Variants in RARB observed in about 807,000 individuals in gnomAD.
RARB encodes HBV-activated protein.
RARB carries 17 observed loss-of-function variants against 51.9 expected under a neutral mutation model. The observed-to-expected ratio is 0.33, with a 90% CI of 0.22 to 0.49. RARB has a LOEUF of 0.49. Among genes scored for constraint, RARB ranks in the 20% least tolerant of loss-of-function variants. The pLI, the probability that RARB is intolerant of heterozygous loss-of-function variation, is 0.99. For missense variants in RARB, 369 were observed against 550.8 expected (o/e 0.67, Z 3.30); for synonymous variants, 215 against 195.4 (o/e 1.10, Z -0.84).
At chr3:25,207,349 A>G (rs1266336662) in intron 5 of RARB, among the ~76,000 whole-genome samples, 3 of 152,220 alleles carry the variant, frequency 2.0e-5, no homozygotes, top group Admixed American at 6.5e-5. Context: ...CATTATCTTA[A>G]CAATGAGAAA....
chr3:25,005,282 G>A (rs907451806), intron 2 of RARB, among the ~76,000 whole-genome samples: 2 of 152,084 alleles, frequency 1.3e-5, no homozygotes, highest in African/African-American at 4.8e-5. Flanking sequence ...ACACCAATAC[G>A]TAGTGCTCTA....
chr3:25,341,428 G>A (rs542914328), intron 5 of RARB, among the ~76,000 whole-genome samples: 1 of 152,204 alleles, frequency 6.6e-6, no homozygotes, highest in Non-Finnish European at 1.5e-5. Flanking sequence ...GTGAGAGCCA[G>A]AGAGAATTTG....
intron 4 of RARB, among the ~76,000 whole-genome samples, chr3:25,158,029 G>A (rs945569489): frequency 2.0e-5 from 3 of 152,166 alleles, no homozygotes; most frequent in African/African-American, 7.2e-5. Context: ...TGTATAAATA[G>A]CAATTTTCTC....
chr3:24,869,327 C>T (rs533153038), intron 2 of RARB, among the ~76,000 whole-genome samples: 4 of 152,152 alleles, frequency 2.6e-5, no homozygotes, highest in Non-Finnish European at 4.4e-5. Flanking sequence ...AAAGGAAGTA[C>T]AATCAGCATA....
chr3:24,958,255 G>GTTTTTTTTTTTTTTTT (rs71057692), intron 2 of RARB, among the ~76,000 whole-genome samples: 3 of 69,470 alleles, frequency 4.3e-5, no homozygotes, highest in African/African-American at 1.3e-4. Context: ...AGCTGCTCAG[G>GTTTTTTTTTTTTTTTT]TTTTTTTTTT....
chr3:25,234,584 C>G (rs1417686607), intron 5 of RARB, among the ~76,000 whole-genome samples: 1 of 152,008 alleles, frequency 6.6e-6, no homozygotes. Context: ...GAACCTGGAA[C>G]CTGTGTCAAT....
At chr3:24,897,732 T>A (rs183270061) in intron 2 of RARB, among the ~76,000 whole-genome samples, 14 of 148,190 alleles carry the variant, frequency 9.4e-5, no homozygotes, top group Non-Finnish European at 1.6e-4. Flanking sequence ...GTATTTTCCA[T>A]AGAACACAAT....
intron 2 of RARB, among the ~76,000 whole-genome samples, chr3:25,029,183 G>T (rs562576926): frequency 6.6e-6 from 1 of 152,272 alleles, no homozygotes; most frequent in African/African-American, 2.4e-5. Flanking sequence ...TTTAGAGAGG[G>T]CATTTTCCAA....
At chr3:25,023,757 A>T (rs1163094298) in intron 2 of RARB, among the ~76,000 whole-genome samples, 2 of 152,176 alleles carry the variant, frequency 1.3e-5, no homozygotes, top group African/African-American at 4.8e-5. Flanking sequence ...TATCCAGTGA[A>T]ACCTCAATAG....
chr3:25,051,669 T>C (rs1698335817), intron 2 of RARB, among the ~76,000 whole-genome samples: 1 of 151,968 alleles, frequency 6.6e-6, no homozygotes, highest in South Asian at 2.1e-4. Context: ...GATAGATAGA[T>C]CAAGAAAGTT....
intron 4 of RARB, among the ~76,000 whole-genome samples, chr3:25,147,283 A>G (rs1204048576): frequency 6.6e-6 from 1 of 152,012 alleles, no homozygotes; most frequent in African/African-American, 2.4e-5. Context: ...TTGAAATATG[A>G]CTTGTTCTAC....
intron 4 of RARB, among the ~76,000 whole-genome samples, chr3:25,149,514 C>A (rs1227865491): frequency 4.6e-5 from 7 of 152,222 alleles, no homozygotes; most frequent in Non-Finnish European, 1.0e-4. Flanking sequence ...GCCAAAGCTG[C>A]ATGGGAAAAG....
chr3:25,181,195 C>T (rs1343734892), intron 5 of RARB, among the ~76,000 whole-genome samples: 2 of 152,144 alleles, frequency 1.3e-5, no homozygotes, highest in African/African-American at 4.8e-5. Context: ...TCACTGAAAA[C>T]CATTTAGATC....
intron 5 of RARB, among the ~76,000 whole-genome samples, chr3:25,256,270 C>T (rs1702862779): frequency 6.6e-6 from 1 of 152,108 alleles, no homozygotes; most frequent in Admixed American, 6.5e-5. Flanking sequence ...AAATTTTAAT[C>T]TCCATCAGAG....
At chr3:25,231,311 AAAGTTAGCTTCTTTG>A (rs1702171211) in intron 5 of RARB, among the ~76,000 whole-genome samples, 1 of 152,192 alleles carries the variant, frequency 6.6e-6, no homozygotes, top group African/African-American at 2.4e-5. Context: ...CACCTTCTTT[AAAGTTAGCTTCTTTG>A]AAGTTAGCTT....
chr3:25,191,695 T>C (rs1357940654), intron 5 of RARB, among the ~76,000 whole-genome samples: 1 of 152,116 alleles, frequency 6.6e-6, no homozygotes, highest in Non-Finnish European at 1.5e-5. Context: ...CTTCCATCTA[T>C]GCAAGGATTT....
chr3:24,926,240 G>A (rs540023991), intron 2 of RARB, among the ~76,000 whole-genome samples: 1 of 152,224 alleles, frequency 6.6e-6, no homozygotes, highest in South Asian at 2.1e-4. Context: ...TAGGGGAGAA[G>A]AAGATAATAG....
At chr3:24,874,518 C>G (rs1319893054) in intron 2 of RARB, among the ~76,000 whole-genome samples, 1 of 151,994 alleles carries the variant, frequency 6.6e-6, no homozygotes, top group Non-Finnish European at 1.5e-5. Context: ...CTTGTTTTAT[C>G]TTCCTGGTGA....
intron 2 of RARB, 135 bp downstream of exon 2, chr3:25,461,476 G>A (rs1371733990): frequency 6.5e-6 from 7 of 1,071,588 alleles, no homozygotes; most frequent in African/African-American, 4.8e-5. Context: ...GTTATATTCA[G>A]TGGTTTTTAT....
Sources: gnomAD v4.1 joint callset for allele counts (sites outside exome capture counted in the v4.1 genomes callset) on GRCh38, gnomAD v4.1.1 for gene constraint, MANE v1.5 for transcripts, NCBI Gene and HGNC (gene_info 2026-07-23, HGNC 2026-07-21) for gene names.